Variants in SKIL observed in about 807,000 individuals in gnomAD.
SKIL encodes the protein ski-like protein.
Under a neutral mutation model 69.6 loss-of-function variants are expected in SKIL, and 20 were observed. That is an observed-to-expected ratio of 0.29 (90% CI 0.20 to 0.42). The LOEUF is 0.42. Ranked by LOEUF, SKIL falls within the 10% of genes least tolerant of loss-of-function variation. The pLI, the probability that SKIL is intolerant of heterozygous loss-of-function variation, is 1.00. For missense variants in SKIL, 745 were observed against 783.1 expected (o/e 0.95, Z 0.58); for synonymous variants, 310 against 279.9 (o/e 1.11, Z -1.08).
rs185769645 is a variant in SKIL, at chr3:170,379,265, A to G, written c.1099-1979A>G. 1.5e-3 allele frequency among the ~76,000 whole-genome samples: 222 copies of G among 152,242 alleles called. 1 individual carries two copies. Among genetic ancestry groups the G allele is most frequent in the African/African-American group, 4.9e-3 (203 of 41,556 alleles). ...AATGCTAGGATTACAGGCATGAGCC[A>G]CTGCGCCTGGCCATGGAACCTCTTA... is the stretch of plus-strand genomic sequence containing the variant. On this transcript the variant is annotated intron_variant, in intron 2 of 6. Coordinates refer to ENST00000259119, the MANE Select transcript of SKIL (RefSeq NM_005414.5).
chr3:170,370,445 C>T (rs1443965861), intron 2 of SKIL, among the ~76,000 whole-genome samples: 1 of 24,646 alleles, frequency 4.1e-5, no homozygotes, highest in Non-Finnish European at 1.2e-4. Flanking sequence ...GAGAGCCCCC[C>T]CCCCCCCCCC....
chr3:170,367,051 T>C (rs901855540), intron 2 of SKIL, among the ~76,000 whole-genome samples: 2 of 152,360 alleles, frequency 1.3e-5, no homozygotes, highest in South Asian at 2.1e-4. Flanking sequence ...CTTAAGATTA[T>C]TTTCAAACAT....
intron 3 of SKIL, among the ~76,000 whole-genome samples, chr3:170,384,009 A>G (rs973851643): frequency 4.9e-5 from 7 of 144,060 alleles, no homozygotes; most frequent in African/African-American, 1.6e-4. Context: ...CCTTCTGTGT[A>G]TCTTTTTAGT....
Position 170,378,110 on chromosome 3 carries a change from C to T in SKIL, c.1099-3134C>T, listed in dbSNP as rs183964433. ...GTTTCACTATATTGGCCAGGCTGGCCTTGAACTCCTGACCTCGTGATTTGC... is the reference window on the plus strand; with the variant it reads ...GTTTCACTATATTGGCCAGGCTGGCTTTGAACTCCTGACCTCGTGATTTGC... On this transcript the variant is annotated intron_variant, in intron 2 of 6. Coordinates refer to ENST00000259119, the MANE Select transcript of SKIL (RefSeq NM_005414.5). Among the ~76,000 whole-genome samples, 603 of 152,088 alleles carry T rather than the reference C, an allele frequency of 4.0e-3. 7 individuals are homozygous for T. The highest frequency in any genetic ancestry group is 0.013 in the African/African-American group (553 of 41,480).
intron 2 of SKIL, 78 bp downstream of exon 2, chr3:170,361,507 A>G: frequency 1.8e-6 from 2 of 1,099,746 alleles, no homozygotes; most frequent in Non-Finnish European, 2.6e-6. Context: ...TGTGTAACTT[A>G]ACCTGTATGT....
chr3:170,387,161 G>A (rs1560220068), intron 4 of SKIL, among the ~76,000 whole-genome samples: 2 of 152,038 alleles, frequency 1.3e-5, no homozygotes, highest in Admixed American at 6.5e-5. Flanking sequence ...GGGATTACAG[G>A]CGTGTGTCAC....
intron 4 of SKIL, among the ~76,000 whole-genome samples, chr3:170,389,013 G>T (rs1043592696): frequency 1.3e-5 from 2 of 151,930 alleles, no homozygotes; most frequent in South Asian, 2.1e-4. Flanking sequence ...GGGATTACAG[G>T]TGCGCGCCAC....
Position 170,360,237 on chromosome 3 carries a change from G to A in SKIL, c.-95G>A. 1 of 1,189,820 alleles carries A rather than the reference G, an allele frequency of 8.4e-7. No individual in the cohort carries two copies. The highest frequency in any genetic ancestry group is 2.7e-5 in the Admixed American group (1 of 37,326). The allele number at this position is 1,189,820 out of a possible 1,614,324, so 73.7% of individuals were successfully genotyped here. On this transcript the variant is annotated 5_prime_UTR_variant, in exon 2 of 7. Transcript: ENST00000259119. ...GAAAGTTTGAGAGTAAGTTACGATA[G>A]GCATTTGTATCCATTCATTACTTTC...
rs557093667 is a variant in SKIL, at chr3:170,392,355, G to C, written c.1993G>C (p.Glu665Gln). ...RQEREARQKL[E>Q]MMIKELKLQI... Reference sequence around the variant, plus strand: ...GGAACGGGAAGCAAGACAGAAGTTAGAGATGATGATAAAAGAGCTAAAGCT... The same window carrying C: ...GGAACGGGAAGCAAGACAGAAGTTACAGATGATGATAAAAGAGCTAAAGCT... The change falls in exon 7 of 7, where the codon GAG becomes CAG. Residue 665 changes from glutamate (E) to glutamine (Q), a missense_variant. Transcript: ENST00000259119. The C allele has an allele frequency of 3.1e-6, 5 of 1,612,778 alleles. No individual in the cohort carries two copies. In the South Asian group the frequency reaches 5.5e-5, roughly 18 times the overall value.
intron 1 of SKIL, among the ~76,000 whole-genome samples, chr3:170,359,388 G>A (rs1353099981): frequency 6.6e-6 from 1 of 152,096 alleles, no homozygotes; most frequent in Admixed American, 6.5e-5. Context: ...CTGAGGTCAG[G>A]AGTTCAAGAC....
chr3:170,361,460 G>A, intron 2 of SKIL, 31 bp downstream of exon 2: 1 of 1,469,938 alleles, frequency 6.8e-7, no homozygotes, highest in East Asian at 2.3e-5. Flanking sequence ...TTTAATAATG[G>A]TAATGGTTTA....
rs1738176143 is a variant in SKIL, at chr3:170,396,177, A to C, written c.*3760A>C. The C allele has an allele frequency of 6.6e-6, 1 of 152,092 alleles. No individual in the cohort carries two copies. Among genetic ancestry groups the C allele is most frequent in the African/African-American group, 2.4e-5 (1 of 41,462 alleles). The allele number at this position is 152,092 out of a possible 1,614,324, so 9.4% of individuals were successfully genotyped here. A position where few individuals can be genotyped will look rare whatever the true frequency, so the allele number is the denominator to read the frequency against. On this transcript the variant is annotated 3_prime_UTR_variant, in exon 7 of 7. Coordinates refer to ENST00000259119, the MANE Select transcript of SKIL (RefSeq NM_005414.5). ...AAAATTTAAAAATTCAGCCCAGAAA[A>C]CAAAATAGTGTATTAAATTAGTTTA...
intron 2 of SKIL, among the ~76,000 whole-genome samples, chr3:170,368,691 A>G (rs1392835531): frequency 6.6e-6 from 1 of 152,074 alleles, no homozygotes; most frequent in Non-Finnish European, 1.5e-5. Context: ...AAGATAACTG[A>G]ATGTTGGGTT....
Position 170,394,114 on chromosome 3 carries a change from A to AT in SKIL, c.*1697_*1698insT, listed in dbSNP as rs1560224797. 4 of 131,666 alleles carry AT rather than the reference A, an allele frequency of 3.0e-5. No individual in the cohort carries two copies. Among genetic ancestry groups the AT allele is most frequent in the South Asian group, 2.2e-4 (1 of 4,470 alleles). 8.2% of individuals were successfully genotyped at this position (131,666 alleles called of 1,614,324 possible). A position where few individuals can be genotyped will look rare whatever the true frequency, so the allele number is the denominator to read the frequency against. Reference sequence around the variant, plus strand: ...AATATTAAAATGACATGTAGAAACAAATTTTTTTTTTTTTTTTTTTTTTTT... The same window carrying AT: ...AATATTAAAATGACATGTAGAAACAATATTTTTTTTTTTTTTTTTTTTTTTT... On this transcript the variant is annotated 3_prime_UTR_variant, in exon 7 of 7. Transcript: ENST00000259119.
At chr3:170,369,974 C>G (rs1167635800) in intron 2 of SKIL, among the ~76,000 whole-genome samples, 1 of 151,962 alleles carries the variant, frequency 6.6e-6, no homozygotes, top group Non-Finnish European at 1.5e-5. Context: ...CGCGGTGGCT[C>G]ACGCCTGTAG....
intron 1 of SKIL, among the ~76,000 whole-genome samples, chr3:170,358,073 G>A (rs952422253): frequency 1.3e-5 from 2 of 152,024 alleles, no homozygotes; most frequent in African/African-American, 4.8e-5. Flanking sequence ...CCGGACGCCC[G>A]TCACCGCCCC....
Position 170,392,300 on chromosome 3 carries a change from T to C in SKIL, c.1938T>C (p.Asp646=), listed in dbSNP as rs751028598. The change falls in exon 7 of 7, where the codon GAT becomes GAC. Residue 646 remains aspartate, a synonymous_variant. Transcript: ENST00000259119. ...AGAGATTGGACCATGCTGAGGCCGA[T>C]AGGCAAGAACTCCAAGATGAACTCA... ...LRQRLDHAEA[D]RQELQDELRQ... 7.4e-6 allele frequency: 12 copies of C among 1,613,524 alleles called. No homozygotes were observed. The highest frequency in any genetic ancestry group is 1.7e-5 in the Admixed American group (1 of 59,972).
At chr3:170,363,575 T>C (rs921015709) in intron 2 of SKIL, among the ~76,000 whole-genome samples, 3 of 152,030 alleles carry the variant, frequency 2.0e-5, no homozygotes, top group Admixed American at 2.0e-4. Flanking sequence ...AGCCTCCGCC[T>C]CCTGGGTTCA....
intron 1 of SKIL, 142 bp from the exon 2 acceptor site, chr3:170,359,557 C>T (rs1736110610): frequency 6.7e-6 from 1 of 150,160 alleles, no homozygotes; most frequent in South Asian, 2.1e-4. Context: ...GAGATCGCTG[C>T]ACTTCAGCCT....
Sources: allele counts gnomAD v4.1 joint callset (sites outside exome capture counted in the v4.1 genomes callset), GRCh38; gene constraint gnomAD v4.1.1; transcripts MANE v1.5; gene names NCBI Gene and HGNC (gene_info 2026-07-23, HGNC 2026-07-21).